LSM7: variants seen among roughly 807,000 people sequenced by gnomAD.
LSM7 encodes U6 snRNA-associated Sm-like protein LSm7.
Under a neutral mutation model 14.1 loss-of-function variants are expected in LSM7, and 13 were observed. The observed-to-expected ratio is 0.92, with a 90% CI of 0.60 to 1.47. The LOEUF is 1.47. Among genes scored for constraint, LSM7 ranks in the 40% most tolerant of loss-of-function variants. The pLI is 0.00. For missense variants in LSM7, 108 were observed against 140.8 expected (o/e 0.77, Z 1.18); for synonymous variants, 70 against 57.1 (o/e 1.23, Z -1.02).
At chr19:2,324,327 C>G in intron 2 of LSM7, 131 bp from the exon 3 acceptor site, 4 of 718,122 alleles carry the variant, frequency 5.6e-6, no homozygotes, top group Non-Finnish European at 9.8e-6. Context: ...GGAGAGGGCT[C>G]CCGGGAGTGG....
Position 2,328,456 on chromosome 19 carries a change from C to G in LSM7, c.28G>C (p.Glu10Gln). The change falls in exon 2 of 4, where the codon GAG becomes CAG. Residue 10 changes from glutamate to glutamine, a missense_variant. Glu to Gln is a conservative substitution (Grantham distance 29, BLOSUM62 2). Transcript: ENST00000252622. ...TACTTGGACAAGTCCAAGATGCTCT[C>G]CTTTTTCTTCTTCTCCTTATCCTGC... MADKEKKKK[E>Q]SILDLSKYID... The G allele has an allele frequency of 2.5e-6, 4 of 1,613,934 alleles. No homozygotes were observed. Among genetic ancestry groups the G allele is most frequent in the Non-Finnish European group, 3.4e-6 (4 of 1,179,874 alleles).
intron 2 of LSM7, among the ~76,000 whole-genome samples, chr19:2,327,180 C>A (rs984356117): frequency 6.6e-6 from 1 of 152,224 alleles, no homozygotes; most frequent in African/African-American, 2.4e-5. Flanking sequence ...GCAGTGTGAC[C>A]AGCAAGAGCG....
chr19:2,328,554 C>G lies in LSM7; in HGVS notation c.6+7G>C, dbSNP rs1968096280. On this transcript the variant is annotated splice_region_variant and intron_variant, in intron 1 of 3. Transcript: ENST00000252622. Reference sequence around the variant, plus strand: ...CCCCCCGGCTCCAGATTCCGCCGCGCGCTCACCGCCATCTTGTCGCGCCGT... The same window carrying G: ...CCCCCCGGCTCCAGATTCCGCCGCGGGCTCACCGCCATCTTGTCGCGCCGT... The G allele has an allele frequency of 6.3e-7, 1 of 1,593,798 alleles. No homozygotes were observed. The highest frequency in any genetic ancestry group is 1.1e-5 in the South Asian group (1 of 89,120).
intron 2 of LSM7, among the ~76,000 whole-genome samples, chr19:2,327,772 T>C (rs1968063516): frequency 6.6e-6 from 1 of 152,040 alleles, no homozygotes; most frequent in South Asian, 2.1e-4. Context: ...GAGGTTTGGG[T>C]CCCCGTCTTA....
intron 3 of LSM7, among the ~76,000 whole-genome samples, chr19:2,323,616 AT>A (rs904036801): frequency 6.6e-6 from 1 of 151,882 alleles, no homozygotes; most frequent in East Asian, 1.9e-4. Flanking sequence ...ACACCCAGCA[AT>A]TTTTTTGCAT....
chr19:2,321,526 G>T lies in LSM7; in HGVS notation c.*154C>A, dbSNP rs1476101220. 9.5e-6 allele frequency: 8 copies of T among 840,744 alleles called. No individual in the cohort carries two copies. In the Admixed American group the frequency reaches 1.2e-4, roughly 13 times the overall value. 52.1% of individuals were successfully genotyped at this position (840,744 alleles called of 1,614,324 possible). On this transcript the variant is annotated 3_prime_UTR_variant, in exon 4 of 4. Coordinates refer to ENST00000252622, the MANE Select transcript of LSM7 (RefSeq NM_016199.3). This position sits in a 1 kb window ranked among gnomAD's most constrained non-coding sequence, Gnocchi z 5.0. ...AGATTCGGGGCTCAGACACATTGAG[G>T]TTTGCAATTTTATTAAGAAAACAAA...
chr19:2,328,381 C>T lies in LSM7; in HGVS notation c.97+6G>A. On this transcript the variant is annotated splice_donor_region_variant and intron_variant, in intron 2 of 3. Coordinates refer to ENST00000252622, the MANE Select transcript of LSM7 (RefSeq NM_016199.3). ...GAGGGGGTACCGACAGCGGGAGCCT[C>T]CTCACCTTCGCGGCCTCCCTGGAAC... 1 of 1,613,640 alleles carries T rather than the reference C, an allele frequency of 6.2e-7. No homozygotes were observed. Among genetic ancestry groups the T allele is most frequent in the Non-Finnish European group, 8.5e-7 (1 of 1,179,698 alleles).
intron 2 of LSM7, among the ~76,000 whole-genome samples, chr19:2,325,387 C>T (rs142464753): frequency 0.014 from 2,122 of 148,702 alleles, 33 homozygotes; most frequent in Non-Finnish European, 0.021. Flanking sequence ...AGGGGCGTCC[C>T]GCAGCCACCC....
At chr19:2,328,145 C>T (rs1434553845) in intron 2 of LSM7, 1 of 492,484 alleles carries the variant, frequency 2.0e-6, no homozygotes, top group Non-Finnish European at 3.6e-6. Context: ...TGGTGGTACA[C>T]ATTAATTCCA....
At position 2,321,562 on chromosome 19, in the gene LSM7, A is replaced by T; in HGVS notation, c.*118T>A. On this transcript the variant is annotated 3_prime_UTR_variant, in exon 4 of 4. Coordinates refer to ENST00000252622, the MANE Select transcript of LSM7 (RefSeq NM_016199.3). The surrounding 1 kb of genome is among the most constrained non-coding windows in gnomAD (Gnocchi z 5.0). Reference sequence around the variant, plus strand: ...TATTAAGAAAACAAAAATTCAACCTATACAAAAAGGAAAATGCTTCCGTTC... The same window carrying T: ...TATTAAGAAAACAAAAATTCAACCTTTACAAAAAGGAAAATGCTTCCGTTC... The T allele has an allele frequency of 8.8e-7, 1 of 1,138,172 alleles. No homozygotes were observed. Among genetic ancestry groups the T allele is most frequent in the Non-Finnish European group, 1.1e-6 (1 of 876,226 alleles). 70.5% of individuals were successfully genotyped at this position (1,138,172 alleles called of 1,614,324 possible).
intron 3 of LSM7, among the ~76,000 whole-genome samples, chr19:2,323,311 G>T (rs953126843): frequency 6.6e-6 from 1 of 152,038 alleles, no homozygotes; most frequent in African/African-American, 2.4e-5. Flanking sequence ...CCCACGGCAC[G>T]CTCACTACCC....
At chr19:2,324,506 G>T in intron 2 of LSM7, 1 of 429,316 alleles carries the variant, frequency 2.3e-6, no homozygotes, top group South Asian at 3.2e-5. Context: ...ATGTGTGGCT[G>T]AACTGCGGCC....
chr19:2,325,664 G>A (rs576690141), intron 2 of LSM7, among the ~76,000 whole-genome samples: 2 of 152,276 alleles, frequency 1.3e-5, no homozygotes, highest in South Asian at 2.1e-4. Flanking sequence ...TGGTGCGGGG[G>A]AGGGTCTGCA....
intron 2 of LSM7, 36 bp from the exon 3 acceptor site, chr19:2,324,232 C>G: frequency 6.6e-7 from 1 of 1,517,314 alleles, no homozygotes; most frequent in Non-Finnish European, 9.0e-7. Flanking sequence ...AAAGAGAAGG[C>G]ATGAGATCCG....
chr19:2,324,310 G>C, intron 2 of LSM7, 114 bp from the exon 3 acceptor site: 1 of 782,830 alleles, frequency 1.3e-6, no homozygotes, highest in Non-Finnish European at 2.2e-6. Flanking sequence ...ATGGAGGACT[G>C]AGGGTAGGAG....
chr19:2,328,542 G>A lies in LSM7; in HGVS notation c.6+19C>T, dbSNP rs1190895084. The A allele has an allele frequency of 2.5e-6, 4 of 1,601,426 alleles. No individual in the cohort carries two copies. Among genetic ancestry groups the A allele is most frequent in the Admixed American group, 3.4e-5 (2 of 58,158 alleles). On this transcript the variant is annotated intron_variant, in intron 1 of 3. Transcript: ENST00000252622. The stretch of plus-strand genomic sequence containing the variant: ...CCGAGCTCCACGCCCCCCGGCTCCA[G>A]ATTCCGCCGCGCGCTCACCGCCATC...
chr19:2,321,947 C>A lies in LSM7; in HGVS notation c.170-125G>T. ...TGCAGGCGCCACGAGCACGCAGGGA[C>A]CTCAGACGGGATGCGCTCTGTGGGG... On this transcript the variant is annotated intron_variant, in intron 3 of 3. Transcript: ENST00000252622. The surrounding 1 kb of genome is among the most constrained non-coding windows in gnomAD (Gnocchi z 5.0). 1 of 894,600 alleles carries A rather than the reference C, an allele frequency of 1.1e-6. No homozygotes were observed. Among genetic ancestry groups the A allele is most frequent in the Non-Finnish European group, 1.5e-6 (1 of 656,728 alleles). The allele number at this position is 894,600 out of a possible 1,614,324, so 55.4% of individuals were successfully genotyped here.
At chr19:2,324,029 T>G in intron 3 of LSM7, 96 bp downstream of exon 3, 1 of 888,342 alleles carries the variant, frequency 1.1e-6, no homozygotes, top group Non-Finnish European at 1.7e-6. Flanking sequence ...GCCCCACGGC[T>G]GCCCCCCTCG....
intron 2 of LSM7, among the ~76,000 whole-genome samples, chr19:2,325,795 T>C (rs1454076368): frequency 6.6e-6 from 1 of 152,252 alleles, no homozygotes; most frequent in Non-Finnish European, 1.5e-5. Flanking sequence ...TCTGCTGGCA[T>C]AGCTCAGTGG....
Sources: allele counts gnomAD v4.1 joint callset (sites outside exome capture counted in the v4.1 genomes callset), GRCh38; gene constraint gnomAD v4.1.1; non-coding constraint Gnocchi (gnomAD v3.1); transcripts MANE v1.5; gene names NCBI Gene and HGNC (gene_info 2026-07-23, HGNC 2026-07-21).